The following DRC11 variants were observed in gnomAD, a reference collection of about 807,000 sequenced individuals.
DRC11 encodes IQ and AAA domain-containing protein 1.
chr2:236,399,443 C>T, the DRC11 span: 1 of 1,613,926 alleles, frequency 6.2e-7, no homozygotes, highest in Non-Finnish European at 8.5e-7. This position sits in a 1 kb window ranked among gnomAD's most constrained non-coding sequence, Gnocchi z 7.0. Context: ...TCCTTCATTG[C>T]AGGAAGAAAA....
At chr2:236,385,335 G>C in the DRC11 span, among the ~76,000 whole-genome samples, 4 of 143,092 alleles carry the variant, frequency 2.8e-5, no homozygotes, top group East Asian at 4.2e-4. Context: ...CTTTTATTTC[G>C]TTGAGCAGTG....
chr2:236,401,297 T>C, the DRC11 span, among the ~76,000 whole-genome samples: 1 of 152,106 alleles, frequency 6.6e-6, no homozygotes, highest in South Asian at 2.1e-4. The surrounding 1 kb of genome is among the most constrained non-coding windows in gnomAD (Gnocchi z 4.6). Context: ...AGGCCACCCT[T>C]GTCCTACACT....
the DRC11 span, among the ~76,000 whole-genome samples, chr2:236,446,838 G>C: frequency 6.6e-6 from 1 of 152,194 alleles, no homozygotes; most frequent in Non-Finnish European, 1.5e-5. This position sits in a 1 kb window ranked among gnomAD's most constrained non-coding sequence, Gnocchi z 6.2. Context: ...AGGGCAGAGG[G>C]GAGCCACCAC....
At chr2:236,432,708 G>A in the DRC11 span, among the ~76,000 whole-genome samples, 255 of 152,208 alleles carry the variant, frequency 1.7e-3, 3 homozygotes, top group African/African-American at 5.6e-3. Context: ...GGTGTCATCT[G>A]TCATTTCCCT....
chr2:236,379,835 C>T, the DRC11 span, among the ~76,000 whole-genome samples: 3 of 113,626 alleles, frequency 2.6e-5, no homozygotes, highest in East Asian at 2.7e-4. Context: ...AACAGGGGAG[C>T]GACAGGACCA....
the DRC11 span, among the ~76,000 whole-genome samples, chr2:236,467,140 T>C: frequency 1.3e-5 from 2 of 152,226 alleles, no homozygotes; most frequent in East Asian, 1.9e-4. Context: ...TCCATCAAAA[T>C]GTATGTAGGT....
chr2:236,352,594 A>T, the DRC11 span, among the ~76,000 whole-genome samples: 1 of 152,158 alleles, frequency 6.6e-6, no homozygotes, highest in African/African-American at 2.4e-5. The surrounding 1 kb of genome is among the most constrained non-coding windows in gnomAD (Gnocchi z 7.0). Context: ...AAAATCTCAG[A>T]ATATACTGAA....
chr2:236,356,683 G>A, the DRC11 span, among the ~76,000 whole-genome samples: 54 of 151,742 alleles, frequency 3.6e-4, no homozygotes, highest in Non-Finnish European at 1.0e-4. Flanking sequence ...AAACGCCTTA[G>A]CATGTGCCTG....
chr2:236,364,637 A>G, the DRC11 span, among the ~76,000 whole-genome samples: 3 of 152,128 alleles, frequency 2.0e-5, no homozygotes, highest in Non-Finnish European at 4.4e-5. Flanking sequence ...AGTGCCCAGA[A>G]GGGGCCTCAG....
the DRC11 span, among the ~76,000 whole-genome samples, chr2:236,337,132 A>C: frequency 6.6e-6 from 1 of 152,078 alleles, no homozygotes; most frequent in Non-Finnish European, 1.5e-5. The surrounding 1 kb of genome is among the most constrained non-coding windows in gnomAD (Gnocchi z 4.9). Flanking sequence ...GGGTATCCAC[A>C]CTGTCCAGTC....
the DRC11 span, among the ~76,000 whole-genome samples, chr2:236,416,739 A>ATATATATTTT: frequency 4.2e-4 from 23 of 54,192 alleles, no homozygotes; most frequent in South Asian, 9.8e-4. Flanking sequence ...ATATATATAT[A>ATATATATTTT]TATATATATA....
the DRC11 span, among the ~76,000 whole-genome samples, chr2:236,490,313 A>G: frequency 1.3e-5 from 2 of 152,346 alleles, no homozygotes; most frequent in African/African-American, 2.4e-5. The surrounding 1 kb of genome is among the most constrained non-coding windows in gnomAD (Gnocchi z 5.5). Context: ...CCCCGTGGGT[A>G]AGAAGAGAAG....
the DRC11 span, among the ~76,000 whole-genome samples, chr2:236,350,114 AGT>A: frequency 6.6e-6 from 1 of 152,210 alleles, no homozygotes; most frequent in Non-Finnish European, 1.5e-5. The surrounding 1 kb of genome is among the most constrained non-coding windows in gnomAD (Gnocchi z 5.2). Context: ...TTGAAACAGG[AGT>A]CGCCCTAACT....
the DRC11 span, chr2:236,343,734 T>C: frequency 7.7e-7 from 1 of 1,304,238 alleles, no homozygotes; most frequent in Non-Finnish European, 1.0e-6. This position sits in a 1 kb window ranked among gnomAD's most constrained non-coding sequence, Gnocchi z 6.6. Context: ...TTTTCTGCAA[T>C]GCAGCAACTT....
chr2:236,334,824 A>G, the DRC11 span, among the ~76,000 whole-genome samples: 4 of 152,092 alleles, frequency 2.6e-5, no homozygotes, highest in African/African-American at 4.8e-5. The surrounding 1 kb of genome is among the most constrained non-coding windows in gnomAD (Gnocchi z 7.8). Context: ...CCGACCAGAC[A>G]CTGGGTCTGG....
At chr2:236,388,157 G>A in the DRC11 span, among the ~76,000 whole-genome samples, 8 of 151,692 alleles carry the variant, frequency 5.3e-5, no homozygotes, top group East Asian at 1.6e-3. Flanking sequence ...TGCTCTTCTC[G>A]AGGAGTATCT....
the DRC11 span, among the ~76,000 whole-genome samples, chr2:236,498,633 G>T: frequency 6.6e-6 from 1 of 152,112 alleles, no homozygotes. Flanking sequence ...ACACCCTGGC[G>T]AGGCAACAAA....
the DRC11 span, among the ~76,000 whole-genome samples, chr2:236,383,334 T>C: frequency 1.3e-5 from 2 of 152,206 alleles, no homozygotes; most frequent in Non-Finnish European, 2.9e-5. Context: ...AAATCTCATC[T>C]TTTTCTTAGT....
At chr2:236,357,421 T>C in the DRC11 span, among the ~76,000 whole-genome samples, 2 of 125,420 alleles carry the variant, frequency 1.6e-5, no homozygotes, top group Non-Finnish European at 3.1e-5. Context: ...ATATTATAAA[T>C]AATTTACATA....
Sources: gnomAD v4.1 joint callset for allele counts (sites outside exome capture counted in the v4.1 genomes callset) on GRCh38, gnomAD v4.1.1 for gene constraint, Gnocchi (gnomAD v3.1) non-coding constraint, MANE v1.5 for transcripts, NCBI Gene and HGNC (gene_info 2026-07-23, HGNC 2026-07-21) for gene names.